Variants in MLIP observed in about 807,000 individuals in gnomAD.
The protein encoded by MLIP is muscular LMNA-interacting protein.
MLIP carries 79 observed loss-of-function variants against 84.8 expected under a neutral mutation model. That is an observed-to-expected ratio of 0.93 (90% CI 0.78 to 1.12). The LOEUF (loss-of-function observed/expected upper bound fraction) is 1.12. Among genes scored for constraint, MLIP ranks in the 50% most tolerant of loss-of-function variants. MLIP has a pLI of 0.00. For missense variants in MLIP, 1,257 were observed against 1,160.6 expected (o/e 1.08, Z -1.21); for synonymous variants, 504 against 463.0 (o/e 1.09, Z -1.14).
intron 5 of MLIP, among the ~76,000 whole-genome samples, chr6:54,154,811 T>C (rs1451802948): frequency 6.6e-6 from 1 of 152,160 alleles, no homozygotes; most frequent in Non-Finnish European, 1.5e-5. Context: ...GGCTCTGAGA[T>C]GACTTGAGAG....
intron 1 of MLIP, among the ~76,000 whole-genome samples, chr6:54,114,668 G>A (rs906516705): frequency 6.6e-6 from 1 of 152,052 alleles, no homozygotes; most frequent in Non-Finnish European, 1.5e-5. Context: ...TACTACATAT[G>A]TTGTTTATTT....
At chr6:54,234,365 G>A (rs1285803788) in intron 12 of MLIP, among the ~76,000 whole-genome samples, 1 of 152,074 alleles carries the variant, frequency 6.6e-6, no homozygotes, top group Admixed American at 6.5e-5. Context: ...TGAAGATAAT[G>A]AAAAACATAT....
In MLIP at chr6:54,143,394, C is replaced by T. The variant is rs187294991; in HGVS notation, c.2217+5108C>T. 4.2e-3 allele frequency among the ~76,000 whole-genome samples: 634 copies of T among 152,008 alleles called. 5 individuals carry two copies. Among genetic ancestry groups the T allele is most frequent in the African/African-American group, 0.013 (546 of 41,474 alleles). ...CTAAGTTTTGTATTTTTAGTAGAGA[C>T]GGGGTTTCACCACATTGGCCAGGCT... is the stretch of plus-strand genomic sequence containing the variant. On this transcript the variant is annotated intron_variant, in intron 4 of 13. Transcript: ENST00000502396.
intron 1 of MLIP, among the ~76,000 whole-genome samples, chr6:54,089,429 CT>C (rs1767713149): frequency 1.3e-5 from 2 of 152,064 alleles, no homozygotes; most frequent in African/African-American, 4.8e-5. Flanking sequence ...CAAAGCTGTA[CT>C]TTTTCTTTTC....
intron 11 of MLIP, among the ~76,000 whole-genome samples, chr6:54,206,631 GT>G (rs988957093): frequency 6.6e-4 from 100 of 151,702 alleles, no homozygotes; most frequent in Non-Finnish European, 1.3e-3. Context: ...TTTCTTCTGA[GT>G]TTTTTTTAGA....
At chr6:54,148,557 TA>T (rs1338563807) in intron 4 of MLIP, among the ~76,000 whole-genome samples, 2 of 152,182 alleles carry the variant, frequency 1.3e-5, no homozygotes, top group Non-Finnish European at 2.9e-5. Flanking sequence ...GCTGCTTGTA[TA>T]AAAAATGGCT....
intron 2 of MLIP, 91 bp downstream of exon 2, chr6:54,121,693 T>A: frequency 1.0e-6 from 1 of 990,586 alleles, no homozygotes. Context: ...TTCCTGTGCT[T>A]AAATTAAGGT....
intron 11 of MLIP, among the ~76,000 whole-genome samples, chr6:54,223,651 G>A (rs555891905): frequency 2.6e-5 from 4 of 152,134 alleles, no homozygotes; most frequent in African/African-American, 9.6e-5. Flanking sequence ...ATCACAAAAT[G>A]TGATACCTTC....
chr6:54,019,266 A>G (rs976428351), intron 1 of MLIP, among the ~76,000 whole-genome samples: 10 of 152,198 alleles, frequency 6.6e-5, no homozygotes, highest in Non-Finnish European at 1.5e-4. Flanking sequence ...TAATAAAGTT[A>G]TATATAAAAT....
chr6:54,095,832 C>T (rs906071991), intron 1 of MLIP, among the ~76,000 whole-genome samples: 1 of 152,062 alleles, frequency 6.6e-6, no homozygotes, highest in Non-Finnish European at 1.5e-5. Flanking sequence ...CATGAATTTG[C>T]TTTCATGGTC....
At chr6:54,149,972 A>G (rs898753400) in intron 5 of MLIP, among the ~76,000 whole-genome samples, 3 of 152,130 alleles carry the variant, frequency 2.0e-5, no homozygotes, top group African/African-American at 7.2e-5. Flanking sequence ...TAGTCAATTT[A>G]TTTCTCAATG....
intron 1 of MLIP, among the ~76,000 whole-genome samples, chr6:54,053,854 C>T (rs1765502769): frequency 6.6e-6 from 1 of 152,090 alleles, no homozygotes; most frequent in East Asian, 1.9e-4. Context: ...TACAAGTGCA[C>T]TAGTGGCTAA....
At position 54,228,217 on chromosome 6, in the gene MLIP, G is replaced by GAA. The variant is rs1780736475; in HGVS notation, c.2719-2495_2719-2494dup. 2.4e-5 allele frequency among the ~76,000 whole-genome samples: 2 copies of GAA among 82,998 alleles called. 1 individual carries two copies. The highest frequency in any genetic ancestry group is 4.7e-5 in the Non-Finnish European group (2 of 42,612). 54.4% of individuals were successfully genotyped at this position (82,998 alleles called of 152,430 possible). ...AAAAAAAAAAAAAAAAAAAAAAAGA[G>GAA]AAAGAAAAAAGAAACAGGAGATCGA... On this transcript the variant is annotated intron_variant, in intron 11 of 13. Coordinates refer to ENST00000502396, the MANE Select transcript of MLIP (RefSeq NM_001281747.2).
intron 2 of MLIP, among the ~76,000 whole-genome samples, chr6:54,123,333 C>T (rs1035410262): frequency 4.0e-5 from 6 of 151,876 alleles, no homozygotes; most frequent in African/African-American, 9.7e-5. Context: ...TACTTGTTAT[C>T]GGGAAGGCAG....
intron 1 of MLIP, among the ~76,000 whole-genome samples, chr6:54,120,486 G>A (rs1269076393): frequency 6.6e-6 from 1 of 152,134 alleles, no homozygotes; most frequent in African/African-American, 2.4e-5. Flanking sequence ...TGATCCGCCC[G>A]CCTTGGCCTC....
chr6:54,251,672 A>G (rs558635812), intron 12 of MLIP, among the ~76,000 whole-genome samples: 100 of 108,086 alleles, frequency 9.3e-4, no homozygotes, highest in African/African-American at 4.2e-3. Context: ...AATATATATT[A>G]TAACATATAA....
chr6:54,162,038 T>G (rs1462989657), intron 8 of MLIP, among the ~76,000 whole-genome samples: 1 of 151,964 alleles, frequency 6.6e-6, no homozygotes, highest in Non-Finnish European at 1.5e-5. Context: ...AGGCTTACGG[T>G]GTTAAAAAAC....
At chr6:54,178,094 A>C (rs1228473128) in intron 9 of MLIP, among the ~76,000 whole-genome samples, 1 of 152,130 alleles carries the variant, frequency 6.6e-6, no homozygotes, top group Non-Finnish European at 1.5e-5. Context: ...CAGCTAATGC[A>C]TGTGGGGCTT....
At chr6:54,241,447 G>A (rs1162383511) in intron 12 of MLIP, among the ~76,000 whole-genome samples, 2 of 151,532 alleles carry the variant, frequency 1.3e-5, no homozygotes, top group South Asian at 4.2e-4. Flanking sequence ...TTTACAATTG[G>A]GCCTGAGTGT....
Sources: gnomAD v4.1 joint callset for allele counts (sites outside exome capture counted in the v4.1 genomes callset) on GRCh38, gnomAD v4.1.1 for gene constraint, MANE v1.5 for transcripts, NCBI Gene and HGNC (gene_info 2026-07-23, HGNC 2026-07-21) for gene names.